DCDC2: variants seen among roughly 807,000 people sequenced by gnomAD.
DCDC2 encodes doublecortin domain-containing protein 2.
In DCDC2, 40 loss-of-function variants were observed where a neutral mutation model predicts 50.2. The ratio of observed to expected loss-of-function variants is 0.80; its 90% CI spans 0.62 to 1.04. The LOEUF (loss-of-function observed/expected upper bound fraction) is 1.04. Among genes scored for constraint, DCDC2 ranks in the 50% least tolerant of loss-of-function variants. The probability of loss-of-function intolerance (pLI) is 0.00; values close to 1 mark genes in which losing one functional copy is unlikely to be tolerated. For synonymous variants in DCDC2, 234 were observed against 210.6 expected, an observed-to-expected ratio of 1.11 and a Z score of -0.96; for missense variants, 570 against 581.9, an observed-to-expected ratio of 0.98 and a Z score of 0.21.
rs920640342 is a variant in DCDC2, at chr6:24,208,365, T to A, written c.923-3263A>T. Among the ~76,000 whole-genome samples the A allele has an allele frequency of 2.4e-3, 252 of 104,086 alleles. 1 individual carries two copies. Among genetic ancestry groups the A allele is most frequent in the Non-Finnish European group, 3.2e-3 (172 of 53,322 alleles). The allele number at this position is 104,086 out of a possible 152,430, so 68.3% of individuals were successfully genotyped here. The stretch of plus-strand genomic sequence containing the variant: ...CAACAGCTCCCTCCTCTGTGCTACT[T>A]TTTTTTTTTTTTTTTTTTTTTTTGA... On this transcript the variant is annotated intron_variant, in intron 7 of 9. Transcript: ENST00000378454.
intron 7 of DCDC2, among the ~76,000 whole-genome samples, chr6:24,214,578 G>T (rs1210323793): frequency 6.6e-6 from 1 of 152,156 alleles, no homozygotes; most frequent in African/African-American, 2.4e-5. Context: ...GTACCTCTGA[G>T]TAGGTTTACC....
At chr6:24,371,288 A>G in the DCDC2 span, among the ~76,000 whole-genome samples, 2 of 140,916 alleles carry the variant, frequency 1.4e-5, no homozygotes. Flanking sequence ...AAAAAAAAAA[A>G]AAAAAGAAAA....
At chr6:24,270,031 A>G (rs1425565686) in intron 7 of DCDC2, among the ~76,000 whole-genome samples, 1 of 152,106 alleles carries the variant, frequency 6.6e-6, no homozygotes, top group Non-Finnish European at 1.5e-5. Flanking sequence ...ACTCCCCAAA[A>G]TCTCCCAGCT....
In DCDC2 at chr6:24,174,670, T is replaced by C; in HGVS notation, c.*60A>G. On this transcript the variant is annotated 3_prime_UTR_variant, in exon 10 of 10. Coordinates refer to ENST00000378454, the MANE Select transcript of DCDC2 (RefSeq NM_016356.5). ...TTCAGCAATAACTATGTGCTTATCT[T>C]TCAAGTATGATAACCCTTCATTTTT... 8.5e-7 allele frequency: 1 copy of C among 1,179,702 alleles called. No individual in the cohort carries two copies. Among genetic ancestry groups the C allele is most frequent in the Non-Finnish European group, 1.3e-6 (1 of 797,808 alleles). 73.1% of individuals were successfully genotyped at this position (1,179,702 alleles called of 1,614,324 possible).
chr6:24,258,141 GTGAGTA>G (rs1762932338), intron 7 of DCDC2, among the ~76,000 whole-genome samples: 1 of 152,184 alleles, frequency 6.6e-6, no homozygotes, highest in African/African-American at 2.4e-5. Flanking sequence ...GACCTTCACA[GTGAGTA>G]TTACAGCTCC....
At chr6:24,333,215 C>A (rs80294727) in intron 2 of DCDC2, among the ~76,000 whole-genome samples, 1 of 152,294 alleles carries the variant, frequency 6.6e-6, no homozygotes, top group African/African-American at 2.4e-5. Context: ...CATGTCCCTT[C>A]CATTGCATTT....
At chr6:24,183,140 C>A (rs2799371) in intron 8 of DCDC2, among the ~76,000 whole-genome samples, 139,701 of 152,158 alleles carry the variant, frequency 0.92, 64,578 homozygotes, top group East Asian at 1. Context: ...TGAGGGAGGG[C>A]GAAATGGGGA....
chr6:24,198,663 T>C (rs889439049), intron 8 of DCDC2, among the ~76,000 whole-genome samples: 1 of 152,020 alleles, frequency 6.6e-6, no homozygotes, highest in Admixed American at 6.6e-5. Context: ...AATGAACCGT[T>C]CACTCCCCTG....
chr6:24,359,013 A>T (rs1310715354), upstream of DCDC2, among the ~76,000 whole-genome samples: 404 of 21,960 alleles, frequency 0.018, 9 homozygotes, highest in African/African-American at 0.04. Context: ...TTTATATATT[A>T]TATATTTTAT....
At chr6:24,186,288 T>C (rs190620200) in intron 8 of DCDC2, among the ~76,000 whole-genome samples, 8 of 152,384 alleles carry the variant, frequency 5.2e-5, no homozygotes, top group Non-Finnish European at 8.8e-5. Context: ...AGGTAGCATA[T>C]TGTGCTTCTT....
At chr6:24,366,559 G>C in the DCDC2 span, among the ~76,000 whole-genome samples, 1 of 152,198 alleles carries the variant, frequency 6.6e-6, no homozygotes, top group South Asian at 2.1e-4. Context: ...AACATTAAGT[G>C]TTTAATAAAT....
At chr6:24,378,836 C>G in the DCDC2 span, among the ~76,000 whole-genome samples, 7 of 151,732 alleles carry the variant, frequency 4.6e-5, no homozygotes, top group Non-Finnish European at 7.4e-5. Flanking sequence ...TTCCTGTAGT[C>G]TCAGCTACCT....
At chr6:24,220,066 C>T (rs995135482) in intron 7 of DCDC2, among the ~76,000 whole-genome samples, 2 of 152,200 alleles carry the variant, frequency 1.3e-5, no homozygotes, top group Non-Finnish European at 2.9e-5. Flanking sequence ...AAATATAAGG[C>T]TACCCATCGC....
chr6:24,172,553 AAGAG>A lies in DCDC2; in HGVS notation c.*2173_*2176del. On this transcript the variant is annotated 3_prime_UTR_variant, in exon 10 of 10. Coordinates refer to ENST00000378454, the MANE Select transcript of DCDC2 (RefSeq NM_016356.5). ...AGAAATATTTTTATTAGAGGAGGAA[AAGAG>A]AAAGAGAAACTCTCCATTGAAGAAA... The A allele has an allele frequency of 6.6e-6, 1 of 152,294 alleles. No homozygotes were observed. Among genetic ancestry groups the A allele is most frequent in the Middle Eastern group, 3.4e-3 (1 of 294 alleles). The allele number at this position is 152,294 out of a possible 1,614,324, so 9.4% of individuals were successfully genotyped here. A position where few individuals can be genotyped will look rare whatever the true frequency, so the allele number is the denominator to read the frequency against.
At chr6:24,347,313 G>A (rs1391233855) in intron 2 of DCDC2, among the ~76,000 whole-genome samples, 2 of 152,148 alleles carry the variant, frequency 1.3e-5, no homozygotes, top group African/African-American at 4.8e-5. Context: ...CTTAAGATTA[G>A]TAAGCTCCAT....
At chr6:24,364,361 C>T in the DCDC2 span, among the ~76,000 whole-genome samples, 1 of 152,154 alleles carries the variant, frequency 6.6e-6, no homozygotes, top group East Asian at 1.9e-4. Flanking sequence ...CAGCCTTGAC[C>T]TCATAGGCTC....
At chr6:24,223,409 G>C (rs764184143) in intron 7 of DCDC2, among the ~76,000 whole-genome samples, 1 of 152,158 alleles carries the variant, frequency 6.6e-6, no homozygotes, top group Admixed American at 6.5e-5. Context: ...TGTGGTTCCT[G>C]CTTCAAATGG....
In DCDC2 at chr6:24,261,913, G is replaced by A. The variant is rs1254028926; in HGVS notation, c.922+16136C>T. On this transcript the variant is annotated intron_variant, in intron 7 of 9. Coordinates refer to ENST00000378454, the MANE Select transcript of DCDC2 (RefSeq NM_016356.5). ...CAAAAATTCTATGTCAGGAAATGAG[G>A]TGGAGCAAGACGACCAAATAAAACC... Among the ~76,000 whole-genome samples the A allele has an allele frequency of 1.3e-5, 2 of 152,110 alleles. 1 individual carries two copies.
At chr6:24,250,230 G>A (rs920718489) in intron 7 of DCDC2, among the ~76,000 whole-genome samples, 1 of 152,202 alleles carries the variant, frequency 6.6e-6, no homozygotes, top group East Asian at 1.9e-4. Context: ...CCAGAGGTGA[G>A]TACAAATCGG....
Sources: gnomAD v4.1 joint callset for allele counts (sites outside exome capture counted in the v4.1 genomes callset) on GRCh38, gnomAD v4.1.1 for gene constraint, MANE v1.5 for transcripts, NCBI Gene and HGNC (gene_info 2026-07-23, HGNC 2026-07-21) for gene names.